The following RNF128 variants were observed in gnomAD, a reference collection of about 807,000 sequenced individuals.
RNF128 encodes ring finger protein 128.
In RNF128, 13 loss-of-function variants were observed where a neutral mutation model predicts 26.2. That is an observed-to-expected ratio of 0.50 (90% confidence interval 0.32 to 0.79). The LOEUF is 0.79. Among genes scored for constraint, RNF128 ranks in the 30% least tolerant of loss-of-function variants. RNF128 has a pLI of 0.03. For missense variants in RNF128, 315 were observed against 349.7 expected, an observed-to-expected ratio of 0.90 and a Z score of 0.79; for synonymous variants, 149 against 142.5, an observed-to-expected ratio of 1.05 and a Z score of -0.32.
intron 1 of RNF128, among the ~76,000 whole-genome samples, chrX:106,752,717 G>A (rs1929917929): frequency 9.0e-6 from 1 of 111,397 alleles, no homozygotes. Flanking sequence ...AATAAAGAAG[G>A]AACCAGTGAC....
At chrX:106,727,422 C>A (rs1253134517) in intron 1 of RNF128, 25 bp downstream of exon 1, 1 of 1,201,459 alleles carries the variant, frequency 8.3e-7, no homozygotes, top group Non-Finnish European at 1.1e-6. Context: ...TAGATTGCAC[C>A]CCTCCAGACC....
In RNF128 at chrX:106,796,110, T is replaced by G. The variant is rs768175963; in HGVS notation, c.*397T>G. ...CTACTTCTTTAGCTTGGGCTACATG[T>G]GTCAGGGTTTTTCTCCAGGTGCTTA... On this transcript the variant is annotated 3_prime_UTR_variant, in exon 7 of 7. Coordinates refer to ENST00000255499, the MANE Select transcript of RNF128 (RefSeq NM_194463.2). 1 of 113,133 alleles carries G rather than the reference T, an allele frequency of 8.8e-6. No individual in the cohort carries two copies. Among genetic ancestry groups the G allele is most frequent in the East Asian group, 2.8e-4 (1 of 3,620 alleles). 9.3% of individuals were successfully genotyped at this position (113,133 alleles called of 1,213,427 possible). A position where few individuals can be genotyped will look rare whatever the true frequency, so the allele number is the denominator to read the frequency against.
chrX:106,722,709 A>G (rs1569436988), upstream of RNF128, among the ~76,000 whole-genome samples: 1 of 111,743 alleles, frequency 8.9e-6, no homozygotes, highest in Non-Finnish European at 1.9e-5. Flanking sequence ...CGAGAGACCA[A>G]TATATAAGCC....
intron 1 of RNF128, among the ~76,000 whole-genome samples, chrX:106,771,122 G>A (rs994840322): frequency 2.7e-5 from 3 of 112,125 alleles, no homozygotes; most frequent in Non-Finnish European, 3.8e-5. Context: ...TGGAAGCTTC[G>A]TCTCAGAGGG....
At chrX:106,697,107 G>C (rs1017043223) in intron 1 of RNF128, among the ~76,000 whole-genome samples, 2 of 112,069 alleles carry the variant, frequency 1.8e-5, no homozygotes, top group African/African-American at 6.5e-5. Flanking sequence ...GAGGCTGCCA[G>C]TAAGTTGTAA....
At chrX:106,719,773 C>G (rs1322107113) in intron 1 of RNF128, among the ~76,000 whole-genome samples, 1 of 108,753 alleles carries the variant, frequency 9.2e-6, no homozygotes, top group African/African-American at 3.4e-5. Context: ...GAAACAGAGA[C>G]TCCCTCAATG....
chrX:106,739,394 A>G (rs1357590933), intron 1 of RNF128, among the ~76,000 whole-genome samples: 1 of 111,037 alleles, frequency 9.0e-6, no homozygotes, highest in Non-Finnish European at 1.9e-5. Context: ...CCTGACCTCA[A>G]GTAATCCGCC....
intron 1 of RNF128, among the ~76,000 whole-genome samples, chrX:106,701,314 A>T (rs1429833457): frequency 9.0e-6 from 1 of 111,507 alleles, no homozygotes; most frequent in Non-Finnish European, 1.9e-5. Flanking sequence ...TCTATCATTG[A>T]GTATGTTATT....
intron 1 of RNF128, chrX:106,694,451 T>C: frequency 9.6e-7 from 1 of 1,044,946 alleles, no homozygotes; most frequent in Non-Finnish European, 1.3e-6. Flanking sequence ...TGTCCGTTTA[T>C]CTTAGAATGG....
chrX:106,734,468 G>T (rs1268592938), intron 1 of RNF128, among the ~76,000 whole-genome samples: 1 of 110,933 alleles, frequency 9.0e-6, no homozygotes, highest in Non-Finnish European at 1.9e-5. Context: ...TTTGCACCTG[G>T]TTTCCCTGTT....
chrX:106,731,295 T>C (rs1445573039), intron 1 of RNF128, among the ~76,000 whole-genome samples: 4 of 111,362 alleles, frequency 3.6e-5, no homozygotes, highest in Non-Finnish European at 7.5e-5. Context: ...AGGAAAAAGA[T>C]CTTTTGGTCC....
intron 1 of RNF128, among the ~76,000 whole-genome samples, chrX:106,701,655 A>G (rs1252371538): frequency 8.9e-6 from 1 of 111,762 alleles, no homozygotes; most frequent in Non-Finnish European, 1.9e-5. Flanking sequence ...GCCCTGGATA[A>G]AACAATTGAA....
Position 106,791,112 on chromosome X carries a change from A to G in RNF128, c.1031A>G (p.Asn344Ser), listed in dbSNP as rs144714463. 1.3e-4 allele frequency: 160 copies of G among 1,206,603 alleles called. No homozygotes were observed. In the Middle Eastern group the frequency reaches 2.3e-3, roughly 17 times the overall value. The change falls in exon 6 of 7, where the codon AAT becomes AGT. Residue 344 changes from asparagine (N) to serine (S), a missense_variant. Asn to Ser is a conservative substitution (Grantham distance 46). Coordinates refer to ENST00000255499, the MANE Select transcript of RNF128 (RefSeq NM_194463.2). ...GSVSLQVPVS[N>S]EISNSASSHE... ...GTGTCTTTACAAGTCCCTGTATCCAATGAAATATCTAATAGTGCCTCCTCC... is the reference window on the plus strand; with the variant it reads ...GTGTCTTTACAAGTCCCTGTATCCAGTGAAATATCTAATAGTGCCTCCTCC...
chrX:106,713,133 C>T (rs180914535), intron 1 of RNF128, among the ~76,000 whole-genome samples: 89 of 108,110 alleles, frequency 8.2e-4, no homozygotes, highest in African/African-American at 2.9e-3. Flanking sequence ...CCCCACCCCC[C>T]GCCTTGGGCA....
intron 1 of RNF128, among the ~76,000 whole-genome samples, chrX:106,751,830 C>A (rs1351896185): frequency 9.1e-6 from 1 of 109,541 alleles, no homozygotes; most frequent in Non-Finnish European, 1.9e-5. Context: ...TCATCACCTG[C>A]TGACTACAGA....
Position 106,795,636 on chromosome X carries a change from C to G in RNF128, c.1210C>G (p.Pro404Ala). 8.3e-7 allele frequency: 1 copy of G among 1,200,794 alleles called. No homozygotes were observed. The highest frequency in any genetic ancestry group is 1.1e-6 in the Non-Finnish European group (1 of 888,800). The change falls in exon 7 of 7, where the codon CCT becomes GCT. Residue 404 changes from proline to alanine, a missense_variant. Pro to Ala is a conservative substitution (Grantham distance 27). Coordinates refer to ENST00000255499, the MANE Select transcript of RNF128 (RefSeq NM_194463.2). ...AAATTCTGTGGCAGTGGATGTTATT[C>G]CTCATGTTGACAACCCAACCTTTGA... is the stretch of plus-strand genomic sequence containing the variant. Reference protein sequence around the residue: ...EANSVAVDVIPHVDNPTFEED... With the variant: ...EANSVAVDVIAHVDNPTFEED...
intron 1 of RNF128, among the ~76,000 whole-genome samples, chrX:106,758,030 T>C (rs1329496280): frequency 8.9e-6 from 1 of 112,220 alleles, no homozygotes; most frequent in Non-Finnish European, 1.9e-5. Flanking sequence ...TCTTATAGTT[T>C]GAAAAACCTA....
At chrX:106,736,541 T>C (rs1283111301) in intron 1 of RNF128, among the ~76,000 whole-genome samples, 1 of 111,496 alleles carries the variant, frequency 9.0e-6, no homozygotes. Flanking sequence ...TAGTAAACAT[T>C]ATAGCAAACC....
At chrX:106,699,950 A>G (rs1050739912) in intron 1 of RNF128, among the ~76,000 whole-genome samples, 1 of 107,446 alleles carries the variant, frequency 9.3e-6, no homozygotes. Flanking sequence ...TTCTATCAAA[A>G]CCTTCAGGTC....
Sources: gnomAD v4.1 joint callset for allele counts (sites outside exome capture counted in the v4.1 genomes callset) on GRCh38, gnomAD v4.1.1 for gene constraint, MANE v1.5 for transcripts, NCBI Gene and HGNC (gene_info 2026-07-23, HGNC 2026-07-21) for gene names.